TET1: variants seen among roughly 807,000 people sequenced by gnomAD.
The protein encoded by TET1 is methylcytosine dioxygenase TET1.
Under a neutral mutation model 148.7 loss-of-function variants are expected in TET1, and 13 were observed. The observed-to-expected ratio is 0.09, with a 90% CI of 0.06 to 0.14. The LOEUF (loss-of-function observed/expected upper bound fraction) is 0.14, where lower values mean the gene tolerates loss of function less well. Ranked by LOEUF, TET1 falls within the 10% of genes least tolerant of loss-of-function variation. The pLI is 1.00. For synonymous variants in TET1, 907 were observed against 937.2 expected (o/e 0.97, Z 0.59); for missense variants, 2,182 against 2,553.8 (o/e 0.85, Z 3.14).
intron 8 of TET1, among the ~76,000 whole-genome samples, chr10:68,680,452 T>C (rs79549348): frequency 0.03 from 4,590 of 152,268 alleles, 251 homozygotes; most frequent in African/African-American, 0.11. Context: ...TCTAGCAACC[T>C]TCCCATCTCA....
chr10:68,647,714 TG>T (rs2054872452), intron 4 of TET1, among the ~76,000 whole-genome samples: 1 of 152,152 alleles, frequency 6.6e-6, no homozygotes. Context: ...TTTGTGTGTG[TG>T]AGATAGAAGA....
chr10:68,647,294 C>T (rs868610785), intron 4 of TET1, among the ~76,000 whole-genome samples: 4 of 152,118 alleles, frequency 2.6e-5, no homozygotes, highest in African/African-American at 9.7e-5. Flanking sequence ...GTCAATTTAT[C>T]GTGCGTAGCA....
chr10:68,632,740 A>G, intron 3 of TET1: 4 of 1,599,734 alleles, frequency 2.5e-6, no homozygotes, highest in African/African-American at 1.3e-5. Context: ...AATCTTGAGC[A>G]TAGAAAAGAA....
chr10:68,667,384 G>T, intron 7 of TET1, 128 bp downstream of exon 7: 2 of 815,934 alleles, frequency 2.5e-6, no homozygotes, highest in Non-Finnish European at 1.9e-6. Flanking sequence ...GAATTAAAAA[G>T]AATGAACATT....
chr10:68,612,356 G>C (rs778224176), intron 3 of TET1, among the ~76,000 whole-genome samples: 1 of 151,780 alleles, frequency 6.6e-6, no homozygotes, highest in African/African-American at 2.4e-5. Context: ...TTCCAAAGTG[G>C]TGAGATTACC....
rs117005825 is a variant in TET1 at position 68,638,606 on chromosome 10, C to G, written c.1969-6092C>G. ...TGAAGATGAAAAACAGTTGACAAAC[C>G]CTGAGCTACCTCTAGTAAAGGTCTT... is the stretch of plus-strand genomic sequence containing the variant. On this transcript the variant is annotated intron_variant, in intron 3 of 11. Transcript: ENST00000373644. 6.9e-3 allele frequency among the ~76,000 whole-genome samples: 1,045 copies of G among 152,110 alleles called. 17 individuals are homozygous for G. The highest frequency in any genetic ancestry group is 0.011 in the Non-Finnish European group (725 of 67,996).
At chr10:68,562,043 G>A (rs902792757) in intron 1 of TET1, among the ~76,000 whole-genome samples, 3 of 152,096 alleles carry the variant, frequency 2.0e-5, no homozygotes, top group African/African-American at 7.2e-5. Context: ...AGTAATGACT[G>A]CTTTTTGAAG....
At chr10:68,593,699 G>A (rs2053945795) in intron 2 of TET1, among the ~76,000 whole-genome samples, 2 of 151,824 alleles carry the variant, frequency 1.3e-5, no homozygotes, top group Non-Finnish European at 2.9e-5. Context: ...TGCAACCTCC[G>A]CCTCTCAGGT....
intron 2 of TET1, among the ~76,000 whole-genome samples, chr10:68,594,987 A>G (rs895052207): frequency 1.3e-5 from 2 of 151,578 alleles, no homozygotes; most frequent in Non-Finnish European, 2.9e-5. Context: ...TCTCAAAAAA[A>G]AAAAAAAAAG....
chr10:68,594,491 G>T (rs537097551), intron 2 of TET1, among the ~76,000 whole-genome samples: 6 of 152,298 alleles, frequency 3.9e-5, no homozygotes, highest in African/African-American at 1.4e-4. Flanking sequence ...CTGGCCCCTT[G>T]GGAGAGTGGG....
chr10:68,576,994 T>C (rs1409678883), intron 2 of TET1, among the ~76,000 whole-genome samples: 1 of 152,066 alleles, frequency 6.6e-6, no homozygotes, highest in African/African-American at 2.4e-5. Flanking sequence ...CTGCAAGCTC[T>C]GCCTCCTGGG....
intron 2 of TET1, among the ~76,000 whole-genome samples, chr10:68,595,983 TACACACACACACAC>T (rs773605594): frequency 2.8e-4 from 14 of 50,430 alleles, no homozygotes; most frequent in South Asian, 1.5e-3. Flanking sequence ...CACACATATA[TACACACACACACAC>T]ACACACACAC....
At chr10:68,651,795 C>A in intron 4 of TET1, 51 bp from the exon 5 acceptor site, 1 of 1,377,714 alleles carries the variant, frequency 7.3e-7, no homozygotes, top group South Asian at 1.3e-5. Flanking sequence ...TCTCCTGTCC[C>A]CTATGCAATT....
At chr10:68,603,043 G>C (rs1015000715) in intron 3 of TET1, among the ~76,000 whole-genome samples, 1 of 152,200 alleles carries the variant, frequency 6.6e-6, no homozygotes, top group Non-Finnish European at 1.5e-5. Context: ...GGGAGGGAGA[G>C]TGGGAGAGGA....
At chr10:68,650,136 C>G (rs533274143) in intron 4 of TET1, among the ~76,000 whole-genome samples, 1 of 152,248 alleles carries the variant, frequency 6.6e-6, no homozygotes, top group South Asian at 2.1e-4. Context: ...GGGGAGCTGT[C>G]CTGTGCATTG....
intron 3 of TET1, among the ~76,000 whole-genome samples, chr10:68,622,778 C>T (rs1797063106): frequency 6.6e-6 from 1 of 151,968 alleles, no homozygotes; most frequent in Non-Finnish European, 1.5e-5. Flanking sequence ...AGTGTCTCGC[C>T]GTGTTGTCCA....
chr10:68,660,891 T>C (rs938000071), intron 6 of TET1, among the ~76,000 whole-genome samples: 5 of 152,100 alleles, frequency 3.3e-5, no homozygotes, highest in Non-Finnish European at 7.4e-5. Context: ...CTCGAATTCC[T>C]GACTTCAGGT....
At chr10:68,657,853 A>G (rs1169699328) in intron 6 of TET1, among the ~76,000 whole-genome samples, 6 of 152,170 alleles carry the variant, frequency 3.9e-5, no homozygotes, top group Non-Finnish European at 7.3e-5. Flanking sequence ...ATTTTAAAAC[A>G]ATTTTAAAAA....
At chr10:68,688,606 T>C (rs2055549540) in intron 11 of TET1, among the ~76,000 whole-genome samples, 1 of 151,848 alleles carries the variant, frequency 6.6e-6, no homozygotes, top group Non-Finnish European at 1.5e-5. Flanking sequence ...GGCTAATTTT[T>C]TTTATATATT....
Sources: gnomAD v4.1 joint callset for allele counts (sites outside exome capture counted in the v4.1 genomes callset) on GRCh38, gnomAD v4.1.1 for gene constraint, MANE v1.5 for transcripts, NCBI Gene and HGNC (gene_info 2026-07-23, HGNC 2026-07-21) for gene names.